PKD1L1: variants seen among roughly 807,000 people sequenced by gnomAD.
The protein encoded by PKD1L1 is polycystin 1 like 1, transient receptor potential channel interacting.
PKD1L1 carries 236 observed loss-of-function variants against 323.4 expected under a neutral mutation model. The observed-to-expected ratio is 0.73, with a 90% CI of 0.66 to 0.81. PKD1L1 has a LOEUF of 0.81. Among genes scored for constraint, PKD1L1 ranks in the 40% least tolerant of loss-of-function variants. The pLI is 0.00. For missense variants in PKD1L1, 3,320 were observed against 3,508.0 expected (o/e 0.95, Z 1.35); for synonymous variants, 1,344 against 1,335.0 (o/e 1.01, Z -0.15).
chr7:47,854,832 G>GTA (rs749867779), intron 30 of PKD1L1, 50 bp downstream of exon 30: 1 of 1,573,238 alleles, frequency 6.4e-7, no homozygotes, highest in African/African-American at 1.4e-5. Flanking sequence ...ACATTCTTAA[G>GTA]GACAATATGT....
chr7:47,781,509 T>C (rs1464281747), intron 56 of PKD1L1, among the ~76,000 whole-genome samples: 1 of 149,886 alleles, frequency 6.7e-6, no homozygotes, highest in Non-Finnish European at 1.5e-5. Context: ...CCTGGGTTCA[T>C]GCCATTCTCC....
At chr7:47,858,224 C>T (rs1028202802) in intron 27 of PKD1L1, among the ~76,000 whole-genome samples, 21 of 152,114 alleles carry the variant, frequency 1.4e-4, no homozygotes, top group African/African-American at 4.8e-4. Flanking sequence ...AAAAAAGTCT[C>T]GGAGACAATT....
At chr7:47,888,290 AT>A in intron 16 of PKD1L1, 140 bp from the exon 17 acceptor site, 2 of 825,606 alleles carry the variant, frequency 2.4e-6, no homozygotes, top group Non-Finnish European at 3.8e-6. Context: ...CACAGCACAT[AT>A]GATGGCACAT....
intron 56 of PKD1L1, among the ~76,000 whole-genome samples, chr7:47,777,742 C>T (rs968978953): frequency 1.3e-5 from 2 of 152,186 alleles, no homozygotes; most frequent in Non-Finnish European, 2.9e-5. Flanking sequence ...TTATTTTTCA[C>T]ATAAGCAGGG....
At position 47,813,410 on chromosome 7, in the gene PKD1L1, C is replaced by T. The variant is rs895366982; in HGVS notation, c.7174-117G>A. ...CCTGCTCTGTCCTGCAACATGGCAC[C>T]CTTCTCTCCTCATAGGATCGTTCTG... On this transcript the variant is annotated intron_variant, in intron 48 of 56. Transcript: ENST00000289672. 28 of 1,072,572 alleles carry T rather than the reference C, an allele frequency of 2.6e-5. No individual in the cohort carries two copies. The African/African-American group carries it at 3.7e-4, about 14-fold the overall frequency. 66.4% of individuals were successfully genotyped at this position (1,072,572 alleles called of 1,614,324 possible). A position where few individuals can be genotyped will look rare whatever the true frequency, so the allele number is the denominator to read the frequency against.
At chr7:47,892,750 G>A (rs1285131002) in intron 15 of PKD1L1, among the ~76,000 whole-genome samples, 1 of 152,126 alleles carries the variant, frequency 6.6e-6, no homozygotes, top group Admixed American at 6.5e-5. Context: ...CTGCCTTGGA[G>A]ACAGGGCTGC....
intron 23 of PKD1L1, among the ~76,000 whole-genome samples, chr7:47,875,691 C>T (rs1177697229): frequency 1.3e-5 from 2 of 152,140 alleles, no homozygotes; most frequent in Non-Finnish European, 2.9e-5. Flanking sequence ...TACTAACATG[C>T]TAACTCACAT....
intron 7 of PKD1L1, among the ~76,000 whole-genome samples, chr7:47,923,854 C>T (rs1373497617): frequency 6.6e-6 from 1 of 151,868 alleles, no homozygotes; most frequent in Non-Finnish European, 1.5e-5. Context: ...GCTAATAGAA[C>T]ACATGAGATT....
chr7:47,869,934 A>G (rs1216702318), intron 24 of PKD1L1, among the ~76,000 whole-genome samples: 1 of 152,184 alleles, frequency 6.6e-6, no homozygotes, highest in Admixed American at 6.5e-5. Flanking sequence ...ATGACAAAAG[A>G]TATTTGGAAA....
chr7:47,935,559 G>A (rs559591026), intron 4 of PKD1L1, among the ~76,000 whole-genome samples: 1 of 152,334 alleles, frequency 6.6e-6, no homozygotes, highest in South Asian at 2.1e-4. Context: ...AGACTGCAAT[G>A]GGGGGGAACA....
At chr7:47,790,176 A>T (rs1786907236) in intron 56 of PKD1L1, among the ~76,000 whole-genome samples, 1 of 152,006 alleles carries the variant, frequency 6.6e-6, no homozygotes, top group Non-Finnish European at 1.5e-5. Flanking sequence ...GGCGTGAGCC[A>T]CTGCGCCTGA....
intron 7 of PKD1L1, among the ~76,000 whole-genome samples, chr7:47,923,493 C>T (rs1298247816): frequency 6.6e-6 from 1 of 151,844 alleles, no homozygotes; most frequent in African/African-American, 2.4e-5. Flanking sequence ...GAAGAACTTA[C>T]TCATGTAACC....
rs1399729266 is a variant in PKD1L1 at position 47,839,304 on chromosome 7, A to C, written c.5769+142T>G. On this transcript the variant is annotated intron_variant, in intron 36 of 56. Transcript: ENST00000289672. The surrounding 1 kb of genome is among the most constrained non-coding windows in gnomAD (Gnocchi z 4.3). Reference sequence around the variant, plus strand: ...AATGAATGTATCATTTAATATTTTGATATCGTGGTAATTAACTAAGAAAAG... The same window carrying C: ...AATGAATGTATCATTTAATATTTTGCTATCGTGGTAATTAACTAAGAAAAG... The C allele has an allele frequency of 4.7e-6, 3 of 637,066 alleles. No homozygotes were observed. In the African/African-American group the frequency reaches 5.5e-5, roughly 12 times the overall value. 39.5% of individuals were successfully genotyped at this position (637,066 alleles called of 1,614,324 possible).
In PKD1L1 at chr7:47,947,072, G is replaced by A. The variant is rs543806575; in HGVS notation, c.44+1325C>T. On this transcript the variant is annotated intron_variant, in intron 1 of 56. Coordinates refer to ENST00000289672, the MANE Select transcript of PKD1L1 (RefSeq NM_138295.5). ...GCATTTGGAATAAAAGAAACATGAG[G>A]TAACCAGAAAAAATAAGGGAAAAAA... Among the ~76,000 whole-genome samples the A allele has an allele frequency of 2.0e-5, 3 of 152,270 alleles. No homozygotes were observed. The East Asian group carries it at 5.8e-4, about 29-fold the overall frequency.
chr7:47,784,516 A>G (rs957561051), intron 56 of PKD1L1, among the ~76,000 whole-genome samples: 5 of 151,958 alleles, frequency 3.3e-5, no homozygotes, highest in African/African-American at 1.2e-4. Flanking sequence ...CTTGTTGCCC[A>G]AGCTAGAGTG....
At chr7:47,851,251 C>T (rs1311834452) in intron 31 of PKD1L1, among the ~76,000 whole-genome samples, 1 of 152,132 alleles carries the variant, frequency 6.6e-6, no homozygotes, top group East Asian at 1.9e-4. Flanking sequence ...ACAGGATAAG[C>T]CAGGACACGC....
intron 7 of PKD1L1, among the ~76,000 whole-genome samples, chr7:47,923,742 C>T (rs1787603941): frequency 1.3e-5 from 2 of 151,950 alleles, no homozygotes; most frequent in South Asian, 2.1e-4. Context: ...ACCATGAATA[C>T]TATGTTAGAA....
At chr7:47,888,827 T>C (rs1220730067) in intron 16 of PKD1L1, among the ~76,000 whole-genome samples, 1 of 152,102 alleles carries the variant, frequency 6.6e-6, no homozygotes, top group Admixed American at 6.5e-5. Context: ...GAGTGCACTT[T>C]TATGGTTTTT....
chr7:47,826,786 T>C (rs911473603), intron 45 of PKD1L1, among the ~76,000 whole-genome samples: 4 of 152,210 alleles, frequency 2.6e-5, no homozygotes, highest in African/African-American at 9.6e-5. Context: ...TGCCACAGCA[T>C]GATAGTTCTT....
Sources: gnomAD v4.1 joint callset for allele counts (sites outside exome capture counted in the v4.1 genomes callset) on GRCh38, gnomAD v4.1.1 for gene constraint, Gnocchi (gnomAD v3.1) non-coding constraint, MANE v1.5 for transcripts, NCBI Gene and HGNC (gene_info 2026-07-23, HGNC 2026-07-21) for gene names.